Variants in CNTN4 observed in about 807,000 individuals in gnomAD.
CNTN4 encodes the protein contactin 4, also known as contactin-4.
A neutral mutation model predicts 122.5 loss-of-function variants in CNTN4; 77 were observed. That is an observed-to-expected ratio of 0.63 (90% confidence interval 0.52 to 0.76). The LOEUF (loss-of-function observed/expected upper bound fraction) is 0.76. Among genes scored for constraint, CNTN4 ranks in the 30% least tolerant of loss-of-function variants. CNTN4 has a pLI of 0.00. For synonymous variants in CNTN4, 512 were observed against 447.0 expected (o/e 1.15, Z -1.83); for missense variants, 1,256 against 1,259.1 (o/e 1.00, Z 0.04).
chr3:2,609,157 C>T (rs2081379428), intron 4 of CNTN4, among the ~76,000 whole-genome samples: 1 of 152,196 alleles, frequency 6.6e-6, no homozygotes, highest in South Asian at 2.1e-4. Context: ...GTGTCCTCTA[C>T]AGAATTTGTG....
At chr3:2,721,226 C>T (rs1232158431) in intron 4 of CNTN4, among the ~76,000 whole-genome samples, 1 of 152,146 alleles carries the variant, frequency 6.6e-6, no homozygotes, top group African/African-American at 2.4e-5. Flanking sequence ...CCCACCTCAG[C>T]CTCCCCAAAT....
intron 3 of CNTN4, among the ~76,000 whole-genome samples, chr3:2,470,404 T>C (rs112916036): frequency 0.011 from 1,708 of 152,248 alleles, 41 homozygotes; most frequent in African/African-American, 0.039. Context: ...AACAGGGTTA[T>C]TGGATAGTTT....
intron 6 of CNTN4, among the ~76,000 whole-genome samples, chr3:2,751,568 A>C (rs1247306986): frequency 6.6e-6 from 1 of 152,154 alleles, no homozygotes; most frequent in Non-Finnish European, 1.5e-5. Context: ...ATCAGAAGAT[A>C]AGGCCTAAAG....
intron 2 of CNTN4, among the ~76,000 whole-genome samples, chr3:2,122,823 C>T (rs2033890091): frequency 6.6e-6 from 1 of 152,192 alleles, no homozygotes; most frequent in Admixed American, 6.5e-5. Flanking sequence ...CACGAAGCCT[C>T]ACAAGTGATC....
At chr3:2,697,386 C>T (rs2086099321) in intron 4 of CNTN4, among the ~76,000 whole-genome samples, 3 of 152,120 alleles carry the variant, frequency 2.0e-5, no homozygotes, top group Admixed American at 2.0e-4. Flanking sequence ...TTCTGAGCAT[C>T]CGTCTCTGTC....
intron 6 of CNTN4, among the ~76,000 whole-genome samples, chr3:2,757,973 A>T (rs1315845714): frequency 7.2e-5 from 11 of 152,194 alleles, no homozygotes; most frequent in Admixed American, 7.2e-4. Context: ...TTGCATTGTT[A>T]TCTGTCATTA....
At chr3:2,578,754 T>C (rs2079806397) in intron 4 of CNTN4, among the ~76,000 whole-genome samples, 1 of 152,180 alleles carries the variant, frequency 6.6e-6, no homozygotes, top group Non-Finnish European at 1.5e-5. Flanking sequence ...AAAGCCTGGG[T>C]TTCCTGTTTG....
chr3:2,120,950 G>C (rs1012548168), intron 2 of CNTN4, among the ~76,000 whole-genome samples: 1 of 152,094 alleles, frequency 6.6e-6, no homozygotes, highest in African/African-American at 2.4e-5. Flanking sequence ...CTGGGTCCTA[G>C]ATGAGAAAAC....
chr3:2,803,135 G>C (rs773396282), intron 6 of CNTN4, among the ~76,000 whole-genome samples: 1 of 152,114 alleles, frequency 6.6e-6, no homozygotes, highest in Non-Finnish European at 1.5e-5. Context: ...TAAATGATAT[G>C]AACTGGCATT....
At chr3:2,432,592 A>ATG (rs1295864294) in intron 3 of CNTN4, among the ~76,000 whole-genome samples, 4 of 150,818 alleles carry the variant, frequency 2.7e-5, no homozygotes, top group South Asian at 2.1e-4. Context: ...GTGTGTGTGT[A>ATG]TGTGTGTGTG....
Position 2,292,054 on chromosome 3 carries a change from C to G in CNTN4, c.-144-47124C>G, listed in dbSNP as rs548967352. ...CCTGGCGAACTATAATATTTTAATG[C>G]CATTTTTTACAGTAAGTAAAATATT... On this transcript the variant is annotated intron_variant, in intron 2 of 24. Coordinates refer to ENST00000418658, the MANE Select transcript of CNTN4 (RefSeq NM_175607.3). Among the ~76,000 whole-genome samples the G allele has an allele frequency of 1.1e-3, 175 of 152,224 alleles. 1 individual carries two copies. The highest frequency in any genetic ancestry group is 3.9e-3 in the African/African-American group (162 of 41,554).
intron 3 of CNTN4, among the ~76,000 whole-genome samples, chr3:2,507,760 A>AAAAAAG (rs2076773528): frequency 6.7e-6 from 1 of 149,232 alleles, no homozygotes; most frequent in Non-Finnish European, 1.5e-5. Flanking sequence ...AGAAAGAAAG[A>AAAAAAG]AAAAAGAAAA....
intron 2 of CNTN4, among the ~76,000 whole-genome samples, chr3:2,320,856 T>C (rs989455731): frequency 6.6e-5 from 10 of 152,174 alleles, no homozygotes; most frequent in African/African-American, 2.2e-4. Context: ...TAAGTACATC[T>C]GTGTTTATTT....
chr3:2,694,765 A>C (rs182680541), intron 4 of CNTN4, among the ~76,000 whole-genome samples: 1 of 152,284 alleles, frequency 6.6e-6, no homozygotes, highest in African/African-American at 2.4e-5. Context: ...AACAACATTA[A>C]ATAAACCTAC....
At chr3:2,889,571 A>G (rs66524811) in intron 10 of CNTN4, among the ~76,000 whole-genome samples, 53,092 of 150,910 alleles carry the variant, frequency 0.35, 9,724 homozygotes, top group East Asian at 0.59. Context: ...TTTCTCACCA[A>G]TGTAATAATT....
At chr3:2,718,518 A>C (rs1433487482) in intron 4 of CNTN4, among the ~76,000 whole-genome samples, 1 of 152,170 alleles carries the variant, frequency 6.6e-6, no homozygotes, top group African/African-American at 2.4e-5. Flanking sequence ...TTTTCATTTG[A>C]GATAGTCATT....
chr3:2,683,968 A>G (rs1400671957), intron 4 of CNTN4, among the ~76,000 whole-genome samples: 1 of 152,084 alleles, frequency 6.6e-6, no homozygotes, highest in African/African-American at 2.4e-5. Flanking sequence ...TCTTAAGCCT[A>G]CAAATTTGAG....
At chr3:2,601,946 A>G (rs1359959949) in intron 4 of CNTN4, among the ~76,000 whole-genome samples, 3 of 152,182 alleles carry the variant, frequency 2.0e-5, no homozygotes, top group Non-Finnish European at 4.4e-5. Flanking sequence ...ACATACGCAA[A>G]TCAATAAACG....
At chr3:2,303,409 A>G (rs964998978) in intron 2 of CNTN4, among the ~76,000 whole-genome samples, 3 of 151,822 alleles carry the variant, frequency 2.0e-5, no homozygotes, top group Non-Finnish European at 4.4e-5. Context: ...CCACTAATCC[A>G]CTTTCTGTCC....
Sources: allele counts gnomAD v4.1 joint callset (sites outside exome capture counted in the v4.1 genomes callset), GRCh38; gene constraint gnomAD v4.1.1; transcripts MANE v1.5; gene names NCBI Gene and HGNC (gene_info 2026-07-23, HGNC 2026-07-21).